The following DIS3 variants were observed in gnomAD, a reference collection of about 807,000 sequenced individuals.
DIS3 encodes the protein DIS3 exosome endoribonuclease and 3'-5' exoribonuclease, also known as exosome complex exonuclease RRP44.
A neutral mutation model predicts 113.0 loss-of-function variants in DIS3; 103 were observed. The observed-to-expected ratio is 0.91, with a 90% CI of 0.78 to 1.07. The LOEUF (loss-of-function observed/expected upper bound fraction) is 1.07. Among genes scored for constraint, DIS3 ranks in the 50% least tolerant of loss-of-function variants. The pLI is 0.00. For missense variants in DIS3, 1,121 were observed against 1,167.1 expected (o/e 0.96, Z 0.58); for synonymous variants, 402 against 394.3 (o/e 1.02, Z -0.23).
At position 72,775,304 on chromosome 13, in the gene DIS3, G is replaced by A. The variant is rs146537215; in HGVS notation, c.894C>T (p.Pro298=). ...HEDIVAVELL[P]KSQWVAPSSV... is the part of the protein sequence containing the mutation. ...AAGATGGTGCTACCCACTGACTCTT[G>A]GGGAGAAGCTCCACAGCCACAATAT... Residue 298 remains proline, a synonymous_variant, in exon 6 of 21, where the codon CCC becomes CCT. Coordinates refer to ENST00000377767, the MANE Select transcript of DIS3 (RefSeq NM_014953.5). The A allele has an allele frequency of 4.1e-4, 667 of 1,613,568 alleles. 1 individual carries two copies. The African/African-American group carries it at 7.7e-3, about 19-fold the overall frequency.
At chr13:72,762,226 CA>C in intron 16 of DIS3, 89 bp from the exon 17 acceptor site, 1 of 1,150,784 alleles carries the variant, frequency 8.7e-7, no homozygotes, top group Non-Finnish European at 1.2e-6. Context: ...TCTGACTGAA[CA>C]AACATCATGT....
At chr13:72,777,072 C>T (rs373059150) in intron 4 of DIS3, among the ~76,000 whole-genome samples, 7 of 152,120 alleles carry the variant, frequency 4.6e-5, no homozygotes, top group African/African-American at 1.7e-4. Flanking sequence ...TGGACACTCC[C>T]CTCCCTCTTC....
At position 72,763,667 on chromosome 13, in the gene DIS3, T is replaced by C. The variant is rs974519528; in HGVS notation, c.1971-60A>G. The C allele has an allele frequency of 6.7e-6, 10 of 1,496,798 alleles. No homozygotes were observed. In the African/African-American group the frequency reaches 1.3e-4, roughly 19 times the overall value. The allele number at this position is 1,496,798 out of a possible 1,614,324, so 92.7% of individuals were successfully genotyped here. A position where few individuals can be genotyped will look rare whatever the true frequency, so the allele number is the denominator to read the frequency against. On this transcript the variant is annotated intron_variant, in intron 15 of 20. Coordinates refer to ENST00000377767, the MANE Select transcript of DIS3 (RefSeq NM_014953.5). ...GAGAATCTGAGACTTCTATATATCA[T>C]ATTTTTTCACAGGTTACCTTTGTTA...
At position 72,755,260 on chromosome 13, in the gene DIS3, C is replaced by A; in HGVS notation, c.*4535G>T. Reference sequence around the variant, plus strand: ...AAAGACTAAGCTTAAGAGTTCCTCGCATATATCGTTGTGCACAGGATCAAC... The same window carrying A: ...AAAGACTAAGCTTAAGAGTTCCTCGAATATATCGTTGTGCACAGGATCAAC... On this transcript the variant is annotated 3_prime_UTR_variant, in exon 21 of 21. Transcript: ENST00000377767. 1 of 1,507,940 alleles carries A rather than the reference C, an allele frequency of 6.6e-7. No homozygotes were observed. The highest frequency in any genetic ancestry group is 9.2e-7 in the Non-Finnish European group (1 of 1,086,242). 93.4% of individuals were successfully genotyped at this position (1,507,940 alleles called of 1,614,324 possible).
Position 72,755,531 on chromosome 13 carries a change from C to A in DIS3, c.*4264G>T. The A allele has an allele frequency of 2.8e-6, 1 of 358,196 alleles. No individual in the cohort carries two copies. Among genetic ancestry groups the A allele is most frequent in the Non-Finnish European group, 5.0e-6 (1 of 201,574 alleles). 22.2% of individuals were successfully genotyped at this position (358,196 alleles called of 1,614,324 possible). A position where few individuals can be genotyped will look rare whatever the true frequency, so the allele number is the denominator to read the frequency against. On this transcript the variant is annotated 3_prime_UTR_variant, in exon 21 of 21. Transcript: ENST00000377767. ...AGGGTCAATGAACTACTTATTAAGC[C>A]TTACTGGTAGCACTGAATTTAGCAG...
chr13:72,781,252 C>T, intron 1 of DIS3: 2 of 1,548,976 alleles, frequency 1.3e-6, no homozygotes, highest in Non-Finnish European at 1.7e-6. Context: ...TAAAGGAATA[C>T]GTTGGCCCAC....
intron 14 of DIS3, among the ~76,000 whole-genome samples, chr13:72,766,408 A>T (rs908575535): frequency 6.6e-6 from 1 of 152,328 alleles, no homozygotes; most frequent in Non-Finnish European, 1.5e-5. Context: ...AAGGGGATTG[A>T]TTGTATTTAA....
At chr13:72,781,095 TTA>T (rs2034191068) in intron 1 of DIS3, 92 bp from the exon 2 acceptor site, 8 of 1,417,852 alleles carry the variant, frequency 5.6e-6, no homozygotes, top group Non-Finnish European at 6.7e-6. Flanking sequence ...CATAAATACT[TTA>T]TGTTTTAAAA....
At chr13:72,776,206 T>C in intron 4 of DIS3, 114 bp from the exon 5 acceptor site, 1 of 986,894 alleles carries the variant, frequency 1.0e-6, no homozygotes. Context: ...TACACAACTC[T>C]GAATAGGAGA....
Position 72,759,390 on chromosome 13 carries a change from C to G in DIS3, c.*405G>C, listed in dbSNP as rs1299412936. 1 of 221,612 alleles carries G rather than the reference C, an allele frequency of 4.5e-6. No homozygotes were observed. The highest frequency in any genetic ancestry group is 9.0e-6 in the Non-Finnish European group (1 of 111,028). The allele number at this position is 221,612 out of a possible 1,614,324, so 13.7% of individuals were successfully genotyped here. On this transcript the variant is annotated 3_prime_UTR_variant, in exon 21 of 21. Coordinates refer to ENST00000377767, the MANE Select transcript of DIS3 (RefSeq NM_014953.5). The stretch of plus-strand genomic sequence containing the variant: ...TCCAAGACTTAGAAAAGAGATTGTT[C>G]CTTGCTTCTAAAATTGTTCTATTTT...
Position 72,781,441 on chromosome 13 carries a change from A to G in DIS3, c.228+164T>C, listed in dbSNP as rs2034215776. 3.4e-6 allele frequency: 5 copies of G among 1,490,406 alleles called. No individual in the cohort carries two copies. In the Admixed American group the frequency reaches 9.5e-5, roughly 28 times the overall value. The allele number at this position is 1,490,406 out of a possible 1,614,324, so 92.3% of individuals were successfully genotyped here. A position where few individuals can be genotyped will look rare whatever the true frequency, so the allele number is the denominator to read the frequency against. On this transcript the variant is annotated intron_variant, in intron 1 of 20. Transcript: ENST00000377767. ...AACTAAATTTTTTAAAGCACAAGGAAAAGAACCTCGGCCTGGGGAACAGGA... is the reference window on the plus strand; with the variant it reads ...AACTAAATTTTTTAAAGCACAAGGAGAAGAACCTCGGCCTGGGGAACAGGA...
intron 13 of DIS3, 106 bp downstream of exon 13, chr13:72,770,798 T>C (rs1164581178): frequency 6.3e-6 from 3 of 472,756 alleles, no homozygotes; most frequent in African/African-American, 6.1e-5. Context: ...TATTTTTATA[T>C]ATGTGTATAT....
rs548772187 is a variant in DIS3 at position 72,757,075 on chromosome 13, C to T, written c.*2720G>A. On this transcript the variant is annotated 3_prime_UTR_variant, in exon 21 of 21. Transcript: ENST00000377767. ...TGGAATAGAACTTAGGGGAAAATAG[C>T]AAAGTCTCTGATCATCTTGAACTAC... is the stretch of plus-strand genomic sequence containing the variant. 6.6e-6 allele frequency: 1 copy of T among 152,104 alleles called. No homozygotes were observed. The highest frequency in any genetic ancestry group is 6.6e-5 in the Admixed American group (1 of 15,264). 9.4% of individuals were successfully genotyped at this position (152,104 alleles called of 1,614,324 possible). A position where few individuals can be genotyped will look rare whatever the true frequency, so the allele number is the denominator to read the frequency against.
rs898813447 is a variant in DIS3 at position 72,754,516 on chromosome 13, A to C, written c.*5279T>G. The C allele has an allele frequency of 6.6e-6, 1 of 151,826 alleles. No individual in the cohort carries two copies. Among genetic ancestry groups the C allele is most frequent in the African/African-American group, 2.4e-5 (1 of 41,300 alleles). 9.4% of individuals were successfully genotyped at this position (151,826 alleles called of 1,614,324 possible). ...TTATAAAATACTATAAATATCAGCA[A>C]ATGTGCAACAAATGTTTAATAGGGA... On this transcript the variant is annotated 3_prime_UTR_variant, in exon 21 of 21. Transcript: ENST00000377767.
At position 72,758,383 on chromosome 13, in the gene DIS3, TAAC is replaced by T. The variant is rs957281059; in HGVS notation, c.*1409_*1411del. On this transcript the variant is annotated 3_prime_UTR_variant, in exon 21 of 21. Transcript: ENST00000377767. The stretch of plus-strand genomic sequence containing the variant: ...GTGACATATGACTATATATGAAACT[TAAC>T]AAATCAGGCCTTGTTGAAACACAGT... 3.2e-5 allele frequency: 6 copies of T among 188,296 alleles called. No individual in the cohort carries two copies. The highest frequency in any genetic ancestry group is 6.2e-5 in the Admixed American group (1 of 16,194). The allele number at this position is 188,296 out of a possible 1,614,324, so 11.7% of individuals were successfully genotyped here. A position where few individuals can be genotyped will look rare whatever the true frequency, so the allele number is the denominator to read the frequency against.
At chr13:72,761,332 G>A (rs1566238474) in intron 19 of DIS3, 31 bp downstream of exon 19, 2 of 1,567,322 alleles carry the variant, frequency 1.3e-6, no homozygotes. Flanking sequence ...GTGCCCCCCG[G>A]AAAAGAAAAC....
rs1487108748 is a variant in DIS3, at chr13:72,763,631, C to A, written c.1971-24G>T. On this transcript the variant is annotated intron_variant, in intron 15 of 20. Coordinates refer to ENST00000377767, the MANE Select transcript of DIS3 (RefSeq NM_014953.5). ...CCCTGCCAATGGAAAAAGCATTAAA[C>A]AAACAAAAAAGAGAATCTGAGACTT... 18 of 1,590,412 alleles carry A rather than the reference C, an allele frequency of 1.1e-5. No homozygotes were observed. The Admixed American group carries it at 1.3e-4, about 11-fold the overall frequency.
chr13:72,765,370 A>C (rs1199538742), intron 15 of DIS3, among the ~76,000 whole-genome samples: 1 of 152,006 alleles, frequency 6.6e-6, no homozygotes, highest in Admixed American at 6.5e-5. Context: ...CCATTATTCT[A>C]CCCTACTATC....
rs377637191 is a variant in DIS3 at position 72,776,043 on chromosome 13, C to T, written c.704G>A (p.Ser235Asn). The part of the protein sequence containing the change: ...KIIFSEHLPL[S>N]KLQQGIKSGT... ...AGATTTTATGCCTTGCTGTAGCTTA[C>T]TTAAGGGAAGATGCTCTGAAAATAT... Residue 235 changes from serine to asparagine, a missense_variant, in exon 5 of 21, where the codon AGT (serine) becomes AAT (asparagine). Physicochemically the swap from Ser to Asn is conservative, Grantham distance 46. This residue lies in a region of DIS3 where 861 missense variants were observed against 915.5 expected (regional missense o/e 0.94). Coordinates refer to ENST00000377767, the MANE Select transcript of DIS3 (RefSeq NM_014953.5). 6.2e-7 allele frequency: 1 copy of T among 1,605,880 alleles called. No individual in the cohort carries two copies.
Sources: allele counts gnomAD v4.1 joint callset (sites outside exome capture counted in the v4.1 genomes callset), GRCh38; gene constraint gnomAD v4.1.1; regional missense constraint gnomAD v4.1.1; transcripts MANE v1.5; gene names NCBI Gene and HGNC (gene_info 2026-07-23, HGNC 2026-07-21).